The following PADI2 variants were observed in gnomAD, a reference collection of about 807,000 sequenced individuals.
PADI2 encodes peptidyl arginine deiminase 2.
PADI2 carries 70 observed loss-of-function variants against 81.1 expected under a neutral mutation model. The observed-to-expected ratio is 0.86, with a 90% CI of 0.71 to 1.05. The LOEUF is 1.05. Among genes scored for constraint, PADI2 ranks in the 50% least tolerant of loss-of-function variants. The probability of loss-of-function intolerance (pLI) is 0.00; values close to 1 mark genes in which losing one functional copy is unlikely to be tolerated. For synonymous variants in PADI2, 338 were observed against 358.0 expected, an observed-to-expected ratio of 0.94 and a Z score of 0.63; for missense variants, 853 against 889.9, an observed-to-expected ratio of 0.96 and a Z score of 0.53.
intron 7 of PADI2, 142 bp from the exon 8 acceptor site, chr1:17,084,844 T>C: frequency 1.7e-6 from 1 of 584,548 alleles, no homozygotes; most frequent in Non-Finnish European, 3.1e-6. Context: ...CTAAGTACTT[T>C]CACATGTGCC....
At chr1:17,100,805 G>A (rs777630385) in intron 3 of PADI2, among the ~76,000 whole-genome samples, 8 of 151,808 alleles carry the variant, frequency 5.3e-5, no homozygotes, top group Non-Finnish European at 8.8e-5. Flanking sequence ...GGGACTACAG[G>A]TGCGTGCCAC....
chr1:17,110,770 C>T (rs1202387334), intron 1 of PADI2, among the ~76,000 whole-genome samples: 3 of 152,218 alleles, frequency 2.0e-5, no homozygotes, highest in African/African-American at 4.8e-5. Context: ...GTCCATCTCT[C>T]CTTGAAGACC....
intron 10 of PADI2, among the ~76,000 whole-genome samples, chr1:17,081,019 C>T (rs2078339985): frequency 6.6e-6 from 1 of 152,184 alleles, no homozygotes; most frequent in South Asian, 2.1e-4. Context: ...GGCAGGTATG[C>T]AGCACAAAGC....
intron 3 of PADI2, among the ~76,000 whole-genome samples, chr1:17,099,758 T>C (rs1931074560): frequency 6.6e-6 from 1 of 152,218 alleles, no homozygotes; most frequent in Non-Finnish European, 1.5e-5. Flanking sequence ...GCACCCACTC[T>C]GTGCCGGGCC....
intron 2 of PADI2, 71 bp from the exon 3 acceptor site, chr1:17,103,130 C>T: frequency 9.3e-7 from 1 of 1,080,060 alleles, no homozygotes; most frequent in South Asian, 1.3e-5. Flanking sequence ...AGCAGGAAAA[C>T]CTGAAGCAAC....
intron 8 of PADI2, 54 bp from the exon 9 acceptor site, chr1:17,083,891 G>C (rs2078366115): frequency 9.7e-7 from 1 of 1,034,804 alleles, no homozygotes; most frequent in Non-Finnish European, 1.5e-6. Context: ...GGAGGGGCCA[G>C]AGTCATCTCC....
intron 14 of PADI2, among the ~76,000 whole-genome samples, chr1:17,071,187 C>A (rs559586100): frequency 6.6e-6 from 1 of 152,130 alleles, no homozygotes; most frequent in Non-Finnish European, 1.5e-5. Context: ...AGTGAGGGGG[C>A]GGCACAATTT....
At chr1:17,106,458 T>A (rs1316501603) in intron 1 of PADI2, among the ~76,000 whole-genome samples, 1 of 151,438 alleles carries the variant, frequency 6.6e-6, no homozygotes, top group African/African-American at 2.4e-5. Flanking sequence ...CTTTTTTTTT[T>A]TTTTGAGATG....
At position 17,115,485 on chromosome 1, in the gene PADI2, G is replaced by T. The variant is rs560821064; in HGVS notation, c.92+3795C>A. Among the ~76,000 whole-genome samples the T allele has an allele frequency of 2.2e-3, 339 of 152,366 alleles. No homozygotes were observed. Among genetic ancestry groups the T allele is most frequent in the African/African-American group, 7.8e-3 (326 of 41,584 alleles). On this transcript the variant is annotated intron_variant, in intron 1 of 15. Transcript: ENST00000375486. The surrounding 1 kb of genome is among the most constrained non-coding windows in gnomAD (Gnocchi z 4.1). ...GGCATAAGCCGAGGGAGGAACAGAA[G>T]AAGCCATTCCCAAGGCCCAGCTTGT... is the stretch of plus-strand genomic sequence containing the variant.
chr1:17,119,354 G>C lies in PADI2; in HGVS notation c.18C>G (p.Thr6=), dbSNP rs540034352. ...CGCGGCTCCCGTACTGCAGCCGCAC[G>C]GTCCGCTCGCGCAGCATCCTCCCCG... The part of the protein sequence containing the change: MLRER[T]VRLQYGSRVE... The change falls in exon 1 of 16, where the codon ACC becomes ACG. Residue 6 remains threonine (T), a synonymous_variant. Coordinates refer to ENST00000375486, the MANE Select transcript of PADI2 (RefSeq NM_007365.3). The surrounding 1 kb of genome is among the most constrained non-coding windows in gnomAD (Gnocchi z 4.8). 8 of 1,539,924 alleles carry C rather than the reference G, an allele frequency of 5.2e-6. No individual in the cohort carries two copies. In the Admixed American group the frequency reaches 9.9e-5, roughly 19 times the overall value.
intron 11 of PADI2, among the ~76,000 whole-genome samples, chr1:17,076,124 T>C (rs1252536266): frequency 1.3e-5 from 2 of 152,210 alleles, no homozygotes; most frequent in African/African-American, 4.8e-5. Context: ...GAGTCCCACC[T>C]GGCCTGCTGG....
rs2078242908 is a variant in PADI2, at chr1:17,068,733, A to G, written c.*311T>C. 5.9e-6 allele frequency: 2 copies of G among 339,272 alleles called. No homozygotes were observed. Among genetic ancestry groups the G allele is most frequent in the South Asian group, 7.7e-5 (2 of 25,846 alleles). 21.0% of individuals were successfully genotyped at this position (339,272 alleles called of 1,614,324 possible). A position where few individuals can be genotyped will look rare whatever the true frequency, so the allele number is the denominator to read the frequency against. The stretch of plus-strand genomic sequence containing the variant: ...CATTCAGTGTCAGATTAGAGACTCA[A>G]AATTCTTTGGGGAGCAGTTTGGGCA... On this transcript the variant is annotated 3_prime_UTR_variant, in exon 16 of 16. Coordinates refer to ENST00000375486, the MANE Select transcript of PADI2 (RefSeq NM_007365.3).
Position 17,093,662 on chromosome 1 carries a change from T to A in PADI2, c.434A>T (p.Glu145Val). The change falls in exon 5 of 16, where the codon GAG (glutamate) becomes GTG (valine). Residue 145 changes from glutamate to valine, a missense_variant. Coordinates refer to ENST00000375486, the MANE Select transcript of PADI2 (RefSeq NM_007365.3). ...CACCAGCAGGATGGCCCCCTGGCCC[T>A]CGGGGCCCCAGGTCCAGGATGCCTA... Reference protein sequence around the residue: ...PKKASWTWGPEGQGAILLVNC... With the variant: ...PKKASWTWGPVGQGAILLVNC... The A allele has an allele frequency of 6.2e-7, 1 of 1,613,498 alleles. No homozygotes were observed. The highest frequency in any genetic ancestry group is 8.5e-7 in the Non-Finnish European group (1 of 1,179,522).
intron 1 of PADI2, among the ~76,000 whole-genome samples, chr1:17,114,889 C>T (rs903073582): frequency 6.6e-6 from 1 of 152,094 alleles, no homozygotes; most frequent in African/African-American, 2.4e-5. Context: ...ACAAAGCCAG[C>T]GTGGCCGGAA....
intron 11 of PADI2, among the ~76,000 whole-genome samples, chr1:17,076,227 T>A (rs535135764): frequency 6.6e-6 from 1 of 151,916 alleles, no homozygotes; most frequent in South Asian, 2.1e-4. Flanking sequence ...CTTTTTTTTT[T>A]CCCCCGAGAT....
Position 17,071,289 on chromosome 1 carries a change from C to T in PADI2, c.1635+117G>A, listed in dbSNP as rs116372613. On this transcript the variant is annotated intron_variant, in intron 14 of 15. Transcript: ENST00000375486. ...AGGCTCTTCCCTGTGCTGCTGTGCT[C>T]GGGGTCAGGAGCTCCTGAGCCCTTG... 1.6e-3 allele frequency: 1,110 copies of T among 697,868 alleles called. 11 individuals carry two copies. In the African/African-American group the frequency reaches 0.017, roughly 11 times the overall value. 43.2% of individuals were successfully genotyped at this position (697,868 alleles called of 1,614,324 possible).
chr1:17,090,346 CT>C (rs1047878231), intron 6 of PADI2, among the ~76,000 whole-genome samples: 1 of 152,196 alleles, frequency 6.6e-6, no homozygotes, highest in African/African-American at 2.4e-5. Context: ...AAGGCTGGGG[CT>C]GGTGAGAAGA....
intron 1 of PADI2, among the ~76,000 whole-genome samples, chr1:17,105,498 C>T (rs1457524174): frequency 2.6e-5 from 4 of 152,138 alleles, no homozygotes; most frequent in South Asian, 4.1e-4. Context: ...CAGGTTCAAG[C>T]GATTCTCCTG....
rs74461066 is a variant in PADI2 at position 17,080,092 on chromosome 1, G to A, written c.1159-677C>T. ...AGGGGTGAGCCACTGCGCCCAGCCC[G>A]TTTCCCCATCTATAAGAGAGTTACC... is the stretch of plus-strand genomic sequence containing the variant. On this transcript the variant is annotated intron_variant, in intron 10 of 15. Coordinates refer to ENST00000375486, the MANE Select transcript of PADI2 (RefSeq NM_007365.3). 5.1e-3 allele frequency among the ~76,000 whole-genome samples: 775 copies of A among 152,134 alleles called. 9 individuals carry two copies. Among genetic ancestry groups the A allele is most frequent in the African/African-American group, 0.018 (727 of 41,502 alleles).
Sources: gnomAD v4.1 joint callset for allele counts (sites outside exome capture counted in the v4.1 genomes callset) on GRCh38, gnomAD v4.1.1 for gene constraint, Gnocchi (gnomAD v3.1) non-coding constraint, MANE v1.5 for transcripts, NCBI Gene and HGNC (gene_info 2026-07-23, HGNC 2026-07-21) for gene names.